The following PLCB1 variants were observed in gnomAD, a reference collection of about 807,000 sequenced individuals.
PLCB1 encodes the protein phospholipase C beta 1, also known as 1-phosphatidylinositol 4,5-bisphosphate phosphodiesterase beta-1.
A neutral mutation model predicts 161.8 loss-of-function variants in PLCB1; 46 were observed. That is an observed-to-expected ratio of 0.28 (90% CI 0.22 to 0.36). PLCB1 has a LOEUF of 0.36. Ranked by LOEUF, PLCB1 falls within the 10% of genes least tolerant of loss-of-function variation. The probability of loss-of-function intolerance (pLI) is 1.00; values close to 1 mark genes in which losing one functional copy is unlikely to be tolerated. For missense variants in PLCB1, 1,016 were observed against 1,472.5 expected (o/e 0.69, Z 5.07); for synonymous variants, 517 against 503.7 (o/e 1.03, Z -0.35).
intron 16 of PLCB1, among the ~76,000 whole-genome samples, chr20:8,726,769 A>G (rs1214814546): frequency 1.3e-5 from 2 of 152,126 alleles, no homozygotes; most frequent in African/African-American, 4.8e-5. Flanking sequence ...AAATGAAGCC[A>G]TGAGACTGGA....
chr20:8,260,777 A>G (rs968546699), intron 2 of PLCB1, among the ~76,000 whole-genome samples: 1 of 152,102 alleles, frequency 6.6e-6, no homozygotes, highest in Non-Finnish European at 1.5e-5. Context: ...CATGTCATCT[A>G]TAACTTCTAT....
At chr20:8,479,826 C>T (rs182668369) in intron 3 of PLCB1, among the ~76,000 whole-genome samples, 9 of 152,240 alleles carry the variant, frequency 5.9e-5, no homozygotes, top group Admixed American at 5.2e-4. Flanking sequence ...AGGTAGTTGA[C>T]GATTTCGAAA....
At chr20:8,382,791 C>T (rs562395259) in intron 3 of PLCB1, among the ~76,000 whole-genome samples, 34 of 152,300 alleles carry the variant, frequency 2.2e-4, no homozygotes, top group African/African-American at 7.2e-4. Context: ...TCATGACCAG[C>T]CCACCTCGGC....
chr20:8,167,029 C>G (rs960321461), intron 2 of PLCB1, among the ~76,000 whole-genome samples: 4 of 152,278 alleles, frequency 2.6e-5, no homozygotes, highest in Admixed American at 2.6e-4. Flanking sequence ...AGACCTGGCT[C>G]TCTTAATGGG....
At chr20:8,616,504 A>G (rs570781614) in intron 3 of PLCB1, among the ~76,000 whole-genome samples, 31 of 152,288 alleles carry the variant, frequency 2.0e-4, no homozygotes, top group African/African-American at 7.0e-4. Context: ...GCACACATTA[A>G]TGAGGCTGTT....
intron 31 of PLCB1, among the ~76,000 whole-genome samples, chr20:8,835,051 A>G (rs954343847): frequency 1.3e-5 from 2 of 152,186 alleles, no homozygotes; most frequent in Admixed American, 6.5e-5. Flanking sequence ...TCACAGAAAC[A>G]TTCAGAATAA....
chr20:8,822,363 A>T (rs1237166033), intron 31 of PLCB1, among the ~76,000 whole-genome samples: 1 of 152,228 alleles, frequency 6.6e-6, no homozygotes, highest in Non-Finnish European at 1.5e-5. Flanking sequence ...TACTAAGAAT[A>T]CAGAGTGAAC....
intron 2 of PLCB1, among the ~76,000 whole-genome samples, chr20:8,209,678 T>C (rs979284279): frequency 2.0e-5 from 3 of 152,116 alleles, no homozygotes; most frequent in African/African-American, 7.2e-5. Flanking sequence ...GGAGTTTCTC[T>C]CTTCATTCCC....
intron 4 of PLCB1, among the ~76,000 whole-genome samples, chr20:8,640,378 T>C (rs1988911199): frequency 6.6e-6 from 1 of 152,200 alleles, no homozygotes; most frequent in South Asian, 2.1e-4. Flanking sequence ...TTTAAAATCC[T>C]TTTTTATGTG....
chr20:8,642,529 A>T (rs1040517037), intron 4 of PLCB1, among the ~76,000 whole-genome samples: 1 of 152,230 alleles, frequency 6.6e-6, no homozygotes, highest in African/African-American at 2.4e-5. Flanking sequence ...CCTTATGAGT[A>T]GAGGTAATCA....
chr20:8,377,141 C>G (rs1356339408), intron 3 of PLCB1, among the ~76,000 whole-genome samples: 3 of 151,962 alleles, frequency 2.0e-5, no homozygotes, highest in African/African-American at 7.3e-5. Context: ...ACAGATAAGT[C>G]CCACTGAGAA....
intron 26 of PLCB1, among the ~76,000 whole-genome samples, chr20:8,771,586 C>T (rs113020162): frequency 3.4e-3 from 511 of 152,128 alleles, no homozygotes; most frequent in Middle Eastern, 6.8e-3. Context: ...CTTATACAAG[C>T]AGCAGAGGGG....
chr20:8,586,898 C>G (rs1987007642), intron 3 of PLCB1, among the ~76,000 whole-genome samples: 1 of 152,118 alleles, frequency 6.6e-6, no homozygotes, highest in Non-Finnish European at 1.5e-5. Context: ...CTGGGGCCCT[C>G]AAGTAAGTAC....
intron 3 of PLCB1, among the ~76,000 whole-genome samples, chr20:8,433,206 A>T (rs1047113755): frequency 2.6e-5 from 4 of 152,108 alleles, no homozygotes; most frequent in African/African-American, 9.7e-5. Context: ...CTTCAAAATC[A>T]AGAGCAAAAT....
intron 3 of PLCB1, among the ~76,000 whole-genome samples, chr20:8,437,500 T>C (rs1252029827): frequency 6.6e-6 from 1 of 152,226 alleles, no homozygotes; most frequent in African/African-American, 2.4e-5. Flanking sequence ...TTTATTAAAC[T>C]ATACACAAAT....
chr20:8,188,709 G>A (rs573341729), intron 2 of PLCB1, among the ~76,000 whole-genome samples: 3 of 152,260 alleles, frequency 2.0e-5, no homozygotes, highest in East Asian at 1.9e-4. Context: ...AAAGAGTGAA[G>A]TGTATTGCGA....
At chr20:8,159,686 G>C (rs2051600635) in intron 2 of PLCB1, among the ~76,000 whole-genome samples, 2 of 151,868 alleles carry the variant, frequency 1.3e-5, no homozygotes, top group African/African-American at 4.8e-5. Flanking sequence ...TGCTTTGCTG[G>C]TTAGAAATTT....
intron 26 of PLCB1, among the ~76,000 whole-genome samples, chr20:8,771,812 A>G (rs1982692774): frequency 6.6e-6 from 1 of 152,122 alleles, no homozygotes. Flanking sequence ...TAAAATCCTG[A>G]AAACACCTCA....
At chr20:8,213,595 G>T (rs968496271) in intron 2 of PLCB1, among the ~76,000 whole-genome samples, 1 of 152,068 alleles carries the variant, frequency 6.6e-6, no homozygotes, top group Non-Finnish European at 1.5e-5. Context: ...AATAAAGCTT[G>T]CTCTGTTGTG....
Sources: allele counts gnomAD v4.1 joint callset (sites outside exome capture counted in the v4.1 genomes callset), GRCh38; gene constraint gnomAD v4.1.1; transcripts MANE v1.5; gene names NCBI Gene and HGNC (gene_info 2026-07-23, HGNC 2026-07-21).